Variants in DNAH11 observed in about 807,000 individuals in gnomAD.
The protein encoded by DNAH11 is axonemal beta dynein heavy chain 11.
Under a neutral mutation model 526.0 loss-of-function variants are expected in DNAH11, and 442 were observed. The observed-to-expected ratio is 0.84, with a 90% CI of 0.78 to 0.91. The LOEUF is 0.91. Ranked by LOEUF, DNAH11 falls within the 40% of genes least tolerant of loss-of-function variation. DNAH11 has a pLI of 0.00. For synonymous variants in DNAH11, 2,461 were observed against 1,935.9 expected, an observed-to-expected ratio of 1.27 and a Z score of -7.12; for missense variants, 6,989 against 5,448.7, an observed-to-expected ratio of 1.28 and a Z score of -8.90.
intron 54 of DNAH11, among the ~76,000 whole-genome samples, chr7:21,752,793 G>A (rs1450035059): frequency 2.0e-5 from 3 of 151,974 alleles, no homozygotes; most frequent in Non-Finnish European, 4.4e-5. Flanking sequence ...GCTCACTGCA[G>A]CCTCTGCCTC....
At chr7:21,778,571 T>G (rs1004413800) in intron 56 of DNAH11, among the ~76,000 whole-genome samples, 17 of 152,152 alleles carry the variant, frequency 1.1e-4, no homozygotes, top group African/African-American at 4.1e-4. Context: ...GTGAGAGGCA[T>G]AGTTCTTCCA....
Position 21,744,605 on chromosome 7 carries a change from C to T in DNAH11, c.8316+6C>T, listed in dbSNP as rs189939117. The T allele has an allele frequency of 2.3e-5, 37 of 1,612,136 alleles. No homozygotes were observed. The highest frequency in any genetic ancestry group is 4.4e-5 in the South Asian group (4 of 90,512). On this transcript the variant is annotated splice_donor_region_variant and intron_variant, in intron 50 of 81. Coordinates refer to ENST00000409508, the MANE Select transcript of DNAH11 (RefSeq NM_001277115.2). Reference sequence around the variant, plus strand: ...CTGCTTATAAATATTTTGAAGTAAGCGTATGAATGTCAGAGGTCACTACTT... The same window carrying T: ...CTGCTTATAAATATTTTGAAGTAAGTGTATGAATGTCAGAGGTCACTACTT...
At chr7:21,574,646 C>T (rs1784017584) in intron 8 of DNAH11, among the ~76,000 whole-genome samples, 1 of 150,648 alleles carries the variant, frequency 6.6e-6, no homozygotes, top group African/African-American at 2.4e-5. Flanking sequence ...TCACTGCAAC[C>T]TCTGCCTCCT....
chr7:21,712,014 A>G (rs1779335003), intron 42 of DNAH11, among the ~76,000 whole-genome samples, 154 bp downstream of exon 42: 1 of 152,188 alleles, frequency 6.6e-6, no homozygotes, highest in Non-Finnish European at 1.5e-5. Context: ...GACACTCTTT[A>G]TCCATTAAAC....
intron 58 of DNAH11, 24 bp from the exon 59 acceptor site, chr7:21,786,600 G>T (rs772721092): frequency 3.7e-6 from 6 of 1,600,364 alleles, no homozygotes; most frequent in Non-Finnish European, 4.3e-6. Flanking sequence ...GTCTGTGTAC[G>T]TGTTTCTGTG....
intron 34 of DNAH11, among the ~76,000 whole-genome samples, chr7:21,688,947 C>T (rs544455030): frequency 6.6e-6 from 1 of 152,330 alleles, no homozygotes; most frequent in East Asian, 1.9e-4. Flanking sequence ...ATATTTTTCT[C>T]AGCTAGCTTG....
intron 36 of DNAH11, among the ~76,000 whole-genome samples, chr7:21,701,933 A>AAGAG (rs10653483): frequency 0.046 from 7,008 of 152,202 alleles, 470 homozygotes; most frequent in East Asian, 0.2. Context: ...TGGACGGTGA[A>AAGAG]AGAGGGCCAG....
chr7:21,765,243 C>T (rs1787123913), intron 54 of DNAH11, among the ~76,000 whole-genome samples, 185 bp from the exon 55 acceptor site: 1 of 152,040 alleles, frequency 6.6e-6, no homozygotes, highest in Non-Finnish European at 1.5e-5. Context: ...AGTGGAGCAG[C>T]CTCTTTGGAC....
At chr7:21,667,251 A>T (rs1782457347) in intron 30 of DNAH11, among the ~76,000 whole-genome samples, 1 of 152,152 alleles carries the variant, frequency 6.6e-6, no homozygotes, top group Admixed American at 6.6e-5. Context: ...TTTGCAAGCA[A>T]AGTGAGCCAT....
chr7:21,662,053 A>G lies in DNAH11; in HGVS notation c.5328+3022A>G, dbSNP rs546196203. ...AGGCTGGTCTCGAACTCCTGACCTC[A>G]AGATGATCCACCTGCCTCGACCTCC... On this transcript the variant is annotated intron_variant, in intron 30 of 81. Transcript: ENST00000409508. Among the ~76,000 whole-genome samples the G allele has an allele frequency of 2.6e-5, 4 of 152,136 alleles. No individual in the cohort carries two copies. The East Asian group carries it at 7.8e-4, about 30-fold the overall frequency.
chr7:21,835,868 CAA>C lies in DNAH11; in HGVS notation c.10692-6663_10692-6662del, dbSNP rs112075174. 5.1e-3 allele frequency among the ~76,000 whole-genome samples: 603 copies of C among 117,184 alleles called. 3 individuals are homozygous for C. Among genetic ancestry groups the C allele is most frequent in the African/African-American group, 0.017 (570 of 33,900 alleles). The allele number at this position is 117,184 out of a possible 152,430, so 76.9% of individuals were successfully genotyped here. A position where few individuals can be genotyped will look rare whatever the true frequency, so the allele number is the denominator to read the frequency against. On this transcript the variant is annotated intron_variant, in intron 65 of 81. Transcript: ENST00000409508. Reference sequence around the variant, plus strand: ...TATATAGAAAGCCCCAAAGACTCCTCAAAAAAAAAAAAAACCGTTAGAACTAA... The same window carrying C: ...TATATAGAAAGCCCCAAAGACTCCTCAAAAAAAAAAAACCGTTAGAACTAA...
In DNAH11 at chr7:21,759,761, T is replaced by C. The variant is rs369281124; in HGVS notation, c.8941-5667T>C. Among the ~76,000 whole-genome samples, 255 of 152,270 alleles carry C rather than the reference T, an allele frequency of 1.7e-3. 1 individual carries two copies. The highest frequency in any genetic ancestry group is 5.9e-3 in the African/African-American group (244 of 41,548). On this transcript the variant is annotated intron_variant, in intron 54 of 81. Transcript: ENST00000409508. The stretch of plus-strand genomic sequence containing the variant: ...AATGGACTGAGCCCTGTTAGTAATA[T>C]ACAAATAAATATGTACTTACGATGA...
chr7:21,588,903 ATTG>A (rs892645914), intron 11 of DNAH11, among the ~76,000 whole-genome samples: 12 of 151,426 alleles, frequency 7.9e-5, no homozygotes, highest in African/African-American at 2.9e-4. Flanking sequence ...GTTTCTCGTT[ATTG>A]TTTTTCCTTT....
intron 68 of DNAH11, 141 bp downstream of exon 68, chr7:21,854,596 C>G: frequency 1.0e-6 from 1 of 992,504 alleles, no homozygotes; most frequent in Non-Finnish European, 1.4e-6. Context: ...GTAGCCCAGG[C>G]TGGAGTGCAG....
chr7:21,894,254 T>C (rs1461942285), intron 77 of DNAH11, among the ~76,000 whole-genome samples: 1 of 152,370 alleles, frequency 6.6e-6, no homozygotes, highest in Non-Finnish European at 1.5e-5. Context: ...GGTACCCTAA[T>C]AATAGGCTTC....
intron 30 of DNAH11, among the ~76,000 whole-genome samples, chr7:21,660,028 T>C (rs1782178068): frequency 6.6e-6 from 1 of 152,104 alleles, no homozygotes; most frequent in African/African-American, 2.4e-5. Context: ...GATAAGGTAA[T>C]TGTTTCTATT....
At chr7:21,799,571 C>T (rs181945843) in intron 61 of DNAH11, among the ~76,000 whole-genome samples, 31 of 152,100 alleles carry the variant, frequency 2.0e-4, no homozygotes, top group African/African-American at 6.5e-4. Context: ...CTCCTGACCT[C>T]GTGATCTGCC....
At chr7:21,552,622 C>T (rs1783064537) in intron 2 of DNAH11, among the ~76,000 whole-genome samples, 14 of 152,138 alleles carry the variant, frequency 9.2e-5, no homozygotes, top group Admixed American at 9.2e-4. Flanking sequence ...ACTGGGTTCC[C>T]CTGGAAGGTT....
Position 21,786,606 on chromosome 7 carries a change from C to G in DNAH11, c.9598-18C>G. On this transcript the variant is annotated intron_variant, in intron 58 of 81. Transcript: ENST00000409508. ...GCTAATCCTGTCTGTGTACGTGTTT[C>G]TGTGTGCTTTTCTTCAGGTCAACCT... 6.2e-7 allele frequency: 1 copy of G among 1,604,550 alleles called. No homozygotes were observed. Among genetic ancestry groups the G allele is most frequent in the Non-Finnish European group, 8.5e-7 (1 of 1,173,524 alleles).
Sources: allele counts gnomAD v4.1 joint callset (sites outside exome capture counted in the v4.1 genomes callset), GRCh38; gene constraint gnomAD v4.1.1; transcripts MANE v1.5; gene names NCBI Gene and HGNC (gene_info 2026-07-23, HGNC 2026-07-21).